Variants in PPP6C observed in about 807,000 individuals in gnomAD.
PPP6C encodes serine/threonine-protein phosphatase 6 catalytic subunit.
PPP6C carries 11 observed loss-of-function variants against 39.8 expected under a neutral mutation model. The observed-to-expected ratio is 0.28, with a 90% CI of 0.17 to 0.46. PPP6C has a LOEUF of 0.46. Ranked by LOEUF, PPP6C falls within the 20% of genes least tolerant of loss-of-function variation. The probability of loss-of-function intolerance (pLI) is 1.00; values close to 1 mark genes in which losing one functional copy is unlikely to be tolerated. For synonymous variants in PPP6C, 129 were observed against 130.3 expected (o/e 0.99, Z 0.07); for missense variants, 211 against 373.9 (o/e 0.56, Z 3.59).
intron 2 of PPP6C, among the ~76,000 whole-genome samples, chr9:125,170,755 T>C (rs1025436748): frequency 6.6e-6 from 1 of 152,116 alleles, no homozygotes; most frequent in Non-Finnish European, 1.5e-5. Flanking sequence ...CACCAAAACA[T>C]CTCCTGTTAA....
In PPP6C at chr9:125,172,646, G is replaced by C. The variant is rs74572312; in HGVS notation, c.76-1466C>G. Among the ~76,000 whole-genome samples, 2,794 of 152,058 alleles carry C rather than the reference G, an allele frequency of 0.018. 160 individuals carry two copies. The East Asian group carries it at 0.23, about 12-fold the overall frequency. ...GAGGAATTCTTGTGATGATGGACCTGTTCTGTATTTTGACTATAGAGTTGG... is the reference window on the plus strand; with the variant it reads ...GAGGAATTCTTGTGATGATGGACCTCTTCTGTATTTTGACTATAGAGTTGG... On this transcript the variant is annotated intron_variant, in intron 1 of 6. Coordinates refer to ENST00000373547, the MANE Select transcript of PPP6C (RefSeq NM_002721.5).
chr9:125,167,765 G>A (rs1053896625), intron 2 of PPP6C, among the ~76,000 whole-genome samples: 1 of 135,376 alleles, frequency 7.4e-6, no homozygotes, highest in Non-Finnish European at 1.6e-5. Flanking sequence ...AGTGGCTCAC[G>A]CCTGTAATCC....
At chr9:125,172,095 C>G in intron 1 of PPP6C, 2 of 356,680 alleles carry the variant, frequency 5.6e-6, no homozygotes, top group South Asian at 4.3e-5. Flanking sequence ...TAAAAAGAAA[C>G]GAATACTGCC....
intron 3 of PPP6C, among the ~76,000 whole-genome samples, chr9:125,159,209 T>C (rs774026828): frequency 2.7e-5 from 4 of 147,140 alleles, no homozygotes; most frequent in Non-Finnish European, 6.0e-5. Context: ...CGGCTAATTT[T>C]GTATTTTTTT....
intron 1 of PPP6C, chr9:125,188,978 T>C: frequency 1.3e-6 from 2 of 1,513,216 alleles, no homozygotes; most frequent in Non-Finnish European, 1.8e-6. Flanking sequence ...GGAGAAAGTA[T>C]TTGTATTTAT....
chr9:125,163,266 T>C (rs901735850), intron 2 of PPP6C, among the ~76,000 whole-genome samples: 50 of 152,220 alleles, frequency 3.3e-4, no homozygotes, highest in African/African-American at 1.2e-3. Flanking sequence ...AATACAAAAC[T>C]ATACCTATAA....
chr9:125,186,260 A>C (rs542579392), intron 1 of PPP6C, among the ~76,000 whole-genome samples: 3 of 152,088 alleles, frequency 2.0e-5, no homozygotes, highest in African/African-American at 7.3e-5. Context: ...TTCTTGGCCT[A>C]ATTTTAGGTT....
At chr9:125,188,237 T>C (rs149447964) in intron 1 of PPP6C, among the ~76,000 whole-genome samples, 3,292 of 150,522 alleles carry the variant, frequency 0.022, 118 homozygotes, top group African/African-American at 0.075. Flanking sequence ...TACAAAAAAT[T>C]AGCCAGGCGT....
chr9:125,185,385 T>C (rs1231134538), intron 1 of PPP6C, among the ~76,000 whole-genome samples: 1 of 151,598 alleles, frequency 6.6e-6, no homozygotes, highest in Non-Finnish European at 1.5e-5. Context: ...ACATATGTCA[T>C]TCTTATTCCT....
At chr9:125,162,582 G>A (rs1463807275) in intron 2 of PPP6C, among the ~76,000 whole-genome samples, 2 of 151,530 alleles carry the variant, frequency 1.3e-5, no homozygotes, top group Non-Finnish European at 2.9e-5. Flanking sequence ...GACCAGACTG[G>A]CCAACATGGT....
chr9:125,189,575 T>C, intron 1 of PPP6C, 69 bp downstream of exon 1: 3 of 1,605,128 alleles, frequency 1.9e-6, no homozygotes, highest in South Asian at 2.2e-5. Context: ...GCGGGGGTCC[T>C]GGAGAAAGGA....
intron 2 of PPP6C, among the ~76,000 whole-genome samples, chr9:125,162,122 T>C (rs1055448491): frequency 2.0e-5 from 3 of 151,236 alleles, no homozygotes; most frequent in Non-Finnish European, 4.4e-5. Flanking sequence ...GGAAGCTTAA[T>C]ATAAAATGTA....
intron 1 of PPP6C, among the ~76,000 whole-genome samples, chr9:125,183,989 T>C (rs767432127): frequency 9.2e-5 from 14 of 152,196 alleles, no homozygotes; most frequent in Admixed American, 2.0e-4. Context: ...CTGGGCACAG[T>C]GGCTCACACC....
chr9:125,170,071 GTAT>G (rs1829110873), intron 2 of PPP6C, among the ~76,000 whole-genome samples: 1 of 152,070 alleles, frequency 6.6e-6, no homozygotes, highest in Non-Finnish European at 1.5e-5. Flanking sequence ...TGTTTGCAAT[GTAT>G]TATTAAGTCT....
At chr9:125,165,490 G>C (rs1437266760) in intron 2 of PPP6C, among the ~76,000 whole-genome samples, 1 of 152,134 alleles carries the variant, frequency 6.6e-6, no homozygotes, top group African/African-American at 2.4e-5. Context: ...AAATTGTTTA[G>C]TGAGAGGAGA....
chr9:125,167,937 G>A (rs1222609276), intron 2 of PPP6C, among the ~76,000 whole-genome samples: 1 of 151,566 alleles, frequency 6.6e-6, no homozygotes, highest in Non-Finnish European at 1.5e-5. Flanking sequence ...TTATAGGCAT[G>A]AGCCATCATG....
rs1229340315 is a variant in PPP6C at position 125,147,732 on chromosome 9, A to AGG, written c.*1939_*1940dup. On this transcript the variant is annotated 3_prime_UTR_variant, in exon 7 of 7. Transcript: ENST00000373547. ...CTAAGCTAAGGAGTGTCAAACAGGGAGGGCTGGGAGTTACCGGTTCTATTA... is the reference window on the plus strand; with the variant it reads ...CTAAGCTAAGGAGTGTCAAACAGGGAGGGGGCTGGGAGTTACCGGTTCTATTA... 2 of 152,088 alleles carry AGG rather than the reference A, an allele frequency of 1.3e-5. No individual in the cohort carries two copies. Among genetic ancestry groups the AGG allele is most frequent in the Non-Finnish European group, 2.9e-5 (2 of 67,990 alleles). 9.4% of individuals were successfully genotyped at this position (152,088 alleles called of 1,614,324 possible).
intron 3 of PPP6C, among the ~76,000 whole-genome samples, chr9:125,160,490 G>A (rs1828842241): frequency 6.6e-6 from 1 of 152,184 alleles, no homozygotes; most frequent in African/African-American, 2.4e-5. Flanking sequence ...CTGTTCTCAT[G>A]ACAATAAGTC....
rs745673781 is a variant in PPP6C, at chr9:125,186,258, C to T, written c.75+3386G>A. Among the ~76,000 whole-genome samples, 54 of 151,770 alleles carry T rather than the reference C, an allele frequency of 3.6e-4. 1 individual carries two copies. The highest frequency in any genetic ancestry group is 1.3e-4 in the Admixed American group (2 of 15,242). Reference sequence around the variant, plus strand: ...AGTACTCCTGGCATACTTTCTTGGCCTAATTTTAGGTTGCACTTCATGCCA... The same window carrying T: ...AGTACTCCTGGCATACTTTCTTGGCTTAATTTTAGGTTGCACTTCATGCCA... On this transcript the variant is annotated intron_variant, in intron 1 of 6. Coordinates refer to ENST00000373547, the MANE Select transcript of PPP6C (RefSeq NM_002721.5).
Sources: allele counts gnomAD v4.1 joint callset (sites outside exome capture counted in the v4.1 genomes callset), GRCh38; gene constraint gnomAD v4.1.1; transcripts MANE v1.5; gene names NCBI Gene and HGNC (gene_info 2026-07-23, HGNC 2026-07-21).